The following PPIL2 variants were observed in gnomAD, a reference collection of about 807,000 sequenced individuals.
PPIL2 encodes the protein peptidylprolyl isomerase like 2, also known as RING-type E3 ubiquitin-protein ligase PPIL2.
Under a neutral mutation model 75.2 loss-of-function variants are expected in PPIL2, and 50 were observed. The ratio of observed to expected loss-of-function variants is 0.66; its 90% CI spans 0.53 to 0.84. The LOEUF (loss-of-function observed/expected upper bound fraction) is 0.84, where lower values mean the gene tolerates loss of function less well. Among genes scored for constraint, PPIL2 ranks in the 40% least tolerant of loss-of-function variants. The pLI is 0.00. For missense variants in PPIL2, 590 were observed against 685.0 expected (o/e 0.86, Z 1.55); for synonymous variants, 245 against 258.8 (o/e 0.95, Z 0.51).
At chr22:21,670,816 C>T in intron 3 of PPIL2, 181 bp from the exon 4 acceptor site, 2 of 837,358 alleles carry the variant, frequency 2.4e-6, no homozygotes, top group Non-Finnish European at 4.0e-6. Context: ...AGACCTTCAC[C>T]AGGGGTGGCA....
chr22:21,675,089 A>G lies in PPIL2; in HGVS notation c.269A>G (p.Lys90Arg). 1 of 1,613,526 alleles carries G rather than the reference A, an allele frequency of 6.2e-7. No homozygotes were observed. Among genetic ancestry groups the G allele is most frequent in the Non-Finnish European group, 8.5e-7 (1 of 1,179,488 alleles). Residue 90 changes from lysine to arginine, a missense_variant, in exon 6 of 20, where the codon AAG (lysine) becomes AGG (arginine). Transcript: ENST00000398831. ...GEKLDGRSLI[K>R]LNFSKNSEGK... ...AAGCTGGACGGGAGGTCCCTGATCAAGCTGAACTTTTCCAAGAACAGTGAG... is the reference window on the plus strand; with the variant it reads ...AAGCTGGACGGGAGGTCCCTGATCAGGCTGAACTTTTCCAAGAACAGTGAG...
chr22:21,687,833 C>G, intron 13 of PPIL2, 101 bp downstream of exon 13: 1 of 1,251,582 alleles, frequency 8.0e-7, no homozygotes, highest in Non-Finnish European at 1.1e-6. Context: ...GCCCATCCCA[C>G]GGTGGCCAGG....
chr22:21,670,837 T>G, intron 3 of PPIL2, 160 bp from the exon 4 acceptor site: 1 of 875,592 alleles, frequency 1.1e-6, no homozygotes, highest in East Asian at 2.4e-5. Flanking sequence ...CAAACACTAT[T>G]GTAGTTGGAG....
chr22:21,695,156 G>A lies in PPIL2; in HGVS notation c.1466+86G>A, dbSNP rs2067865654. On this transcript the variant is annotated intron_variant, in intron 19 of 19. Transcript: ENST00000398831. Reference sequence around the variant, plus strand: ...CTGAGGGTCAGACCCAGAGGGGCAAGCAAGCTATGGGCACTGGTCCCGGCC... The same window carrying A: ...CTGAGGGTCAGACCCAGAGGGGCAAACAAGCTATGGGCACTGGTCCCGGCC... 4 of 1,462,324 alleles carry A rather than the reference G, an allele frequency of 2.7e-6. No individual in the cohort carries two copies. In the South Asian group the frequency reaches 5.5e-5, roughly 20 times the overall value. 90.6% of individuals were successfully genotyped at this position (1,462,324 alleles called of 1,614,324 possible).
rs2067207225 is a variant in PPIL2, at chr22:21,683,270, A to G, written c.553+13A>G. ...ATAATAGACCCAGGTATGTACACCT[A>G]GGGGCTGGGCTAGGCGAGGGGGCTT... On this transcript the variant is annotated intron_variant, in intron 9 of 19. Coordinates refer to ENST00000398831, the MANE Select transcript of PPIL2 (RefSeq NM_014337.4). The G allele has an allele frequency of 6.3e-7, 1 of 1,598,486 alleles. No individual in the cohort carries two copies. Among genetic ancestry groups the G allele is most frequent in the East Asian group, 2.2e-5 (1 of 44,820 alleles).
At chr22:21,671,111 A>G (rs1324938928) in intron 4 of PPIL2, 52 bp downstream of exon 4, 1 of 1,540,438 alleles carries the variant, frequency 6.5e-7, no homozygotes, top group Non-Finnish European at 9.0e-7. Flanking sequence ...CTCAACACCC[A>G]TTAAGGAAGG....
At position 21,666,206 on chromosome 22, in the gene PPIL2, C is replaced by A; in HGVS notation, c.32+75C>A. The A allele has an allele frequency of 2.0e-6, 3 of 1,494,986 alleles. No homozygotes were observed. In the South Asian group the frequency reaches 3.6e-5, roughly 18 times the overall value. 92.6% of individuals were successfully genotyped at this position (1,494,986 alleles called of 1,614,324 possible). On this transcript the variant is annotated intron_variant, in intron 1 of 19. Coordinates refer to ENST00000398831, the MANE Select transcript of PPIL2 (RefSeq NM_014337.4). ...CGCCTGTCCCGCACTGCGCGCCGCT[C>A]GCCTTCCCTCTCAGCTACTCCCCAG...
At chr22:21,690,239 C>T (rs1217354995) in intron 15 of PPIL2, among the ~76,000 whole-genome samples, 1 of 152,008 alleles carries the variant, frequency 6.6e-6, no homozygotes, top group Non-Finnish European at 1.5e-5. Context: ...AAAAAATTAG[C>T]GGGGCATGGT....
At chr22:21,672,459 A>C in intron 5 of PPIL2, 78 bp downstream of exon 5, 1 of 1,421,948 alleles carries the variant, frequency 7.0e-7, no homozygotes, top group African/African-American at 1.4e-5. Flanking sequence ...GGTGGTTTTC[A>C]TGAACACAGG....
At chr22:21,676,878 CT>C (rs2066883775) in intron 6 of PPIL2, among the ~76,000 whole-genome samples, 1 of 152,258 alleles carries the variant, frequency 6.6e-6, no homozygotes, top group Non-Finnish European at 1.5e-5. Flanking sequence ...TTGGGTACAC[CT>C]CCCAGATGGG....
In PPIL2 at chr22:21,675,061, C is replaced by T; in HGVS notation, c.244-3C>T. On this transcript the variant is annotated splice_region_variant and splice_polypyrimidine_tract_variant and intron_variant, in intron 5 of 19. Coordinates refer to ENST00000398831, the MANE Select transcript of PPIL2 (RefSeq NM_014337.4). ...CATTAATTATTAACTGTGCTTCTTCCAGAAGCTGGACGGGAGGTCCCTGAT... is the reference window on the plus strand; with the variant it reads ...CATTAATTATTAACTGTGCTTCTTCTAGAAGCTGGACGGGAGGTCCCTGAT... 1 of 1,607,930 alleles carries T rather than the reference C, an allele frequency of 6.2e-7. No homozygotes were observed.
chr22:21,674,496 T>C (rs748090734), intron 5 of PPIL2, among the ~76,000 whole-genome samples: 5 of 152,200 alleles, frequency 3.3e-5, no homozygotes, highest in African/African-American at 1.2e-4. Flanking sequence ...TTCTTAAATA[T>C]TCATATGACA....
At chr22:21,687,992 AGG>A in intron 13 of PPIL2, 79 bp from the exon 14 acceptor site, 1 of 1,561,422 alleles carries the variant, frequency 6.4e-7, no homozygotes, top group Non-Finnish European at 8.8e-7. Context: ...GCCATCTGGC[AGG>A]AGGGGTGTCC....
intron 5 of PPIL2, 90 bp from the exon 6 acceptor site, chr22:21,674,974 A>G (rs1057453979): frequency 4.0e-6 from 5 of 1,238,972 alleles, no homozygotes; most frequent in Middle Eastern, 4.1e-4. Flanking sequence ...TGGCCTAGTC[A>G]GAGACTTTTC....
chr22:21,692,295 A>C (rs1432745821), intron 15 of PPIL2, among the ~76,000 whole-genome samples: 1 of 151,782 alleles, frequency 6.6e-6, no homozygotes, highest in Non-Finnish European at 1.5e-5. Flanking sequence ...AGCTGGGACT[A>C]CAGGCGCCCG....
intron 2 of PPIL2, chr22:21,670,332 C>A: frequency 6.6e-7 from 1 of 1,506,992 alleles, no homozygotes. Flanking sequence ...ATAACAAGAG[C>A]ACTGTCATAA....
At chr22:21,681,445 T>C (rs889484206) in intron 7 of PPIL2, 55 bp downstream of exon 7, 406 of 1,478,608 alleles carry the variant, frequency 2.7e-4, no homozygotes, top group Middle Eastern at 1.4e-3. Flanking sequence ...CTGCTGTGTG[T>C]TCCTAGTATA....
chr22:21,687,609 T>C, intron 12 of PPIL2, 34 bp from the exon 13 acceptor site: 1 of 880,940 alleles, frequency 1.1e-6, no homozygotes, highest in South Asian at 1.3e-5. Context: ...TTGGCAGCTC[T>C]CTGCTTCATA....
chr22:21,668,828 C>T (rs1219061374), intron 1 of PPIL2, among the ~76,000 whole-genome samples: 3 of 149,772 alleles, frequency 2.0e-5, no homozygotes, highest in African/African-American at 7.4e-5. Context: ...TCTCCTGCCT[C>T]AGCCTCCCGA....
Sources: allele counts gnomAD v4.1 joint callset (sites outside exome capture counted in the v4.1 genomes callset), GRCh38; gene constraint gnomAD v4.1.1; transcripts MANE v1.5; gene names NCBI Gene and HGNC (gene_info 2026-07-23, HGNC 2026-07-21).